Variants in CDHR3 observed in about 807,000 individuals in gnomAD.
CDHR3 encodes cadherin related family member 3.
A neutral mutation model predicts 86.6 loss-of-function variants in CDHR3; 79 were observed. The ratio of observed to expected loss-of-function variants is 0.91; its 90% CI spans 0.76 to 1.10. The LOEUF is 1.10. Among genes scored for constraint, CDHR3 ranks in the 50% least tolerant of loss-of-function variants. The pLI is 0.00. For missense variants in CDHR3, 1,081 were observed against 1,077.6 expected (o/e 1.00, Z -0.04); for synonymous variants, 421 against 402.4 (o/e 1.05, Z -0.55).
intron 1 of CDHR3, among the ~76,000 whole-genome samples, chr7:105,973,844 G>GCC (rs1439900437): frequency 4.6e-5 from 7 of 152,184 alleles, no homozygotes; most frequent in Admixed American, 3.3e-4. Flanking sequence ...GAGCACACCT[G>GCC]TAATCACAGC....
At chr7:105,999,143 A>G (rs76456583) in intron 6 of CDHR3, among the ~76,000 whole-genome samples, 10,951 of 152,330 alleles carry the variant, frequency 0.072, 551 homozygotes, top group Non-Finnish European at 0.1. Flanking sequence ...TTACTGTGTC[A>G]GGGTAGCTGC....
chr7:105,982,649 G>T (rs922305265), intron 3 of CDHR3, among the ~76,000 whole-genome samples: 1 of 151,466 alleles, frequency 6.6e-6, no homozygotes, highest in African/African-American at 2.4e-5. Flanking sequence ...TTTTGCATTT[G>T]CTGATTCCTC....
At chr7:106,031,855 G>A (rs950726328) in intron 18 of CDHR3, among the ~76,000 whole-genome samples, 1 of 151,138 alleles carries the variant, frequency 6.6e-6, no homozygotes, top group African/African-American at 2.4e-5. Flanking sequence ...CTGCTGGCTC[G>A]GACACAATAA....
chr7:105,975,006 A>C lies in CDHR3; in HGVS notation c.209A>C (p.Glu70Ala), dbSNP rs924742785. The C allele has an allele frequency of 6.2e-7, 1 of 1,613,832 alleles. No homozygotes were observed. Among genetic ancestry groups the C allele is most frequent in the African/African-American group, 1.3e-5 (1 of 74,892 alleles). The change falls in exon 2 of 19, where the codon GAA (glutamate) becomes GCA (alanine). Residue 70 changes from glutamate (E) to alanine (A), a missense_variant. Glu to Ala is a moderately radical substitution (Grantham distance 107). Coordinates refer to ENST00000317716, the MANE Select transcript of CDHR3 (RefSeq NM_152750.5). ...PQIVNSNPLT[E>A]AFRVNWLSGT... ...ATAGTCAACTCAAATCCCCTCACTG[A>C]AGCTTTTAGGGTGAATTGGCTGTCA...
rs759080929 is a variant in CDHR3, at chr7:106,024,399, G to A, written c.2095G>A (p.Val699Ile). The change falls in exon 15 of 19, where the codon GTC becomes ATC. Residue 699 changes from valine to isoleucine, a missense_variant. Physicochemically the swap from Val to Ile is conservative, Grantham distance 29. Transcript: ENST00000317716. Reference protein sequence around the residue: ...TTPRPRVTYQVLRKNVYSPSA... With the variant: ...TTPRPRVTYQILRKNVYSPSA... ...GTTCAAGCCCAGGGTCACCTATCAG[G>A]TCCTGAGGAAAAACGTTTACTCTCC... 1 of 1,613,960 alleles carries A rather than the reference G, an allele frequency of 6.2e-7. No homozygotes were observed. Among genetic ancestry groups the A allele is most frequent in the Non-Finnish European group, 8.5e-7 (1 of 1,179,874 alleles).
At chr7:105,979,521 C>G (rs1829328695) in intron 2 of CDHR3, among the ~76,000 whole-genome samples, 1 of 152,222 alleles carries the variant, frequency 6.6e-6, no homozygotes, top group Non-Finnish European at 1.5e-5. Flanking sequence ...CAGCTAAACA[C>G]AGCTCACAGT....
chr7:105,979,751 G>C (rs1829359626), intron 2 of CDHR3, among the ~76,000 whole-genome samples: 1 of 152,198 alleles, frequency 6.6e-6, no homozygotes. Flanking sequence ...AAGATGCTGA[G>C]TGTCTCATCA....
intron 8 of CDHR3, among the ~76,000 whole-genome samples, chr7:106,008,600 C>A (rs901046494): frequency 6.6e-6 from 1 of 152,086 alleles, no homozygotes; most frequent in African/African-American, 2.4e-5. Flanking sequence ...CTATCCCAAC[C>A]TAAGCCCTAC....
chr7:105,994,636 G>A (rs1831898283), intron 4 of CDHR3, 115 bp from the exon 5 acceptor site: 2 of 732,230 alleles, frequency 2.7e-6, no homozygotes. Flanking sequence ...GCATCCTGAT[G>A]CATCGAGAAC....
intron 15 of CDHR3, among the ~76,000 whole-genome samples, chr7:106,025,247 C>T (rs527550977): frequency 3.3e-5 from 5 of 152,184 alleles, no homozygotes; most frequent in Non-Finnish European, 7.3e-5. Flanking sequence ...TTCTCAGTAG[C>T]TCTTACAACT....
intron 4 of CDHR3, among the ~76,000 whole-genome samples, chr7:105,987,658 C>G (rs1469785555): frequency 6.6e-6 from 1 of 152,120 alleles, no homozygotes; most frequent in Non-Finnish European, 1.5e-5. Context: ...CTGTGAAAGT[C>G]TGATGTGATT....
intron 8 of CDHR3, among the ~76,000 whole-genome samples, chr7:106,010,502 CA>C (rs1351835779): frequency 6.6e-6 from 1 of 152,186 alleles, no homozygotes; most frequent in Non-Finnish European, 1.5e-5. Context: ...TGCTGAAATA[CA>C]GAGGTGATCT....
chr7:105,990,037 C>T (rs566103343), intron 4 of CDHR3, among the ~76,000 whole-genome samples: 2 of 152,288 alleles, frequency 1.3e-5, no homozygotes, highest in South Asian at 4.2e-4. Flanking sequence ...GGACAATTCC[C>T]ACTCCAAATA....
At chr7:106,000,920 CAAGG>C (rs150908862) in intron 6 of CDHR3, among the ~76,000 whole-genome samples, 47,818 of 134,816 alleles carry the variant, frequency 0.35, 8,430 homozygotes, top group Admixed American at 0.41. Context: ...AAAAAAAAGA[CAAGG>C]AAGAAAAAAA....
intron 4 of CDHR3, among the ~76,000 whole-genome samples, chr7:105,984,520 T>C (rs1177546750): frequency 2.0e-5 from 3 of 152,176 alleles, no homozygotes; most frequent in Non-Finnish European, 4.4e-5. Flanking sequence ...TTGTTACCTC[T>C]CTAAGTTTCA....
At chr7:105,999,848 C>T (rs1832861734) in intron 6 of CDHR3, among the ~76,000 whole-genome samples, 1 of 152,214 alleles carries the variant, frequency 6.6e-6, no homozygotes, top group Admixed American at 6.5e-5. Context: ...CCTGGTGATG[C>T]TTTTACTAGG....
intron 4 of CDHR3, among the ~76,000 whole-genome samples, chr7:105,993,414 A>T (rs1396350860): frequency 6.6e-6 from 1 of 152,116 alleles, no homozygotes; most frequent in Non-Finnish European, 1.5e-5. Flanking sequence ...TCATGCCTGT[A>T]ATCCCAGCAC....
At chr7:105,991,425 C>A (rs1831342559) in intron 4 of CDHR3, among the ~76,000 whole-genome samples, 2 of 152,282 alleles carry the variant, frequency 1.3e-5, no homozygotes, top group South Asian at 2.1e-4. Flanking sequence ...AAATCATCCT[C>A]TTCATAGAAA....
chr7:106,016,120 G>A (rs534821922), intron 11 of CDHR3, 95 bp downstream of exon 11: 106 of 746,226 alleles, frequency 1.4e-4, no homozygotes, highest in African/African-American at 8.8e-4. Context: ...TGGAGGCCTC[G>A]CATGCTGTTT....
Sources: gnomAD v4.1 joint callset for allele counts (sites outside exome capture counted in the v4.1 genomes callset) on GRCh38, gnomAD v4.1.1 for gene constraint, MANE v1.5 for transcripts, NCBI Gene and HGNC (gene_info 2026-07-23, HGNC 2026-07-21) for gene names.